The following AGBL4 variants were observed in gnomAD, a reference collection of about 807,000 sequenced individuals.
The protein encoded by AGBL4 is AGBL carboxypeptidase 4.
Under a neutral mutation model 66.4 loss-of-function variants are expected in AGBL4, and 58 were observed. The observed-to-expected ratio is 0.87, with a 90% CI of 0.71 to 1.09. AGBL4 has a LOEUF of 1.09. AGBL4 is among the 50% of genes least tolerant of loss of function. The pLI is 0.00. For synonymous variants in AGBL4, 234 were observed against 222.9 expected (o/e 1.05, Z -0.44); for missense variants, 579 against 631.0 (o/e 0.92, Z 0.88).
At chr1:48,821,769 G>A (rs10888624) in intron 6 of AGBL4, among the ~76,000 whole-genome samples, 10,589 of 152,054 alleles carry the variant, frequency 0.07, 504 homozygotes, top group East Asian at 0.17. Context: ...GAGATATTAA[G>A]AAAGTGAAAA....
chr1:49,686,031 G>C, intron 3 of AGBL4, among the ~76,000 whole-genome samples: 1 of 152,046 alleles, frequency 6.6e-6, no homozygotes, highest in Non-Finnish European at 1.5e-5. Context: ...ATAGTCTTAG[G>C]TTGTATATTT....
chr1:49,628,780 T>C (rs556295103), intron 3 of AGBL4, among the ~76,000 whole-genome samples: 2 of 152,286 alleles, frequency 1.3e-5, no homozygotes, highest in Admixed American at 6.5e-5. Flanking sequence ...TAAATATGCA[T>C]ACTGTTTTCT....
chr1:49,839,395 T>C (rs1489322548), intron 2 of AGBL4, among the ~76,000 whole-genome samples: 2 of 152,188 alleles, frequency 1.3e-5, no homozygotes, highest in Non-Finnish European at 2.9e-5. Flanking sequence ...TTAATAACCA[T>C]GCTTTTTTCC....
chr1:49,163,741 A>C (rs1044673790), intron 4 of AGBL4, among the ~76,000 whole-genome samples: 2 of 152,208 alleles, frequency 1.3e-5, no homozygotes, highest in South Asian at 2.1e-4. Flanking sequence ...ATACAGCTTA[A>C]AAGGAGGCTA....
At chr1:49,980,937 T>G (rs892028475) in intron 1 of AGBL4, among the ~76,000 whole-genome samples, 1 of 152,202 alleles carries the variant, frequency 6.6e-6, no homozygotes, top group Non-Finnish European at 1.5e-5. Flanking sequence ...TAGTACCAAT[T>G]TATATTGTTT....
At chr1:49,245,682 T>G in intron 4 of AGBL4, 88 bp downstream of exon 4, 1 of 854,032 alleles carries the variant, frequency 1.2e-6, no homozygotes, top group South Asian at 1.9e-5. Context: ...TTAATTTTTT[T>G]TGGGGGTCCA....
chr1:49,894,372 C>T (rs1648962972), intron 1 of AGBL4, among the ~76,000 whole-genome samples: 1 of 152,058 alleles, frequency 6.6e-6, no homozygotes, highest in Admixed American at 6.6e-5. Context: ...ACCAAATGAA[C>T]TAAATAAGGC....
At chr1:48,565,117 A>T (rs1284838838) in intron 11 of AGBL4, among the ~76,000 whole-genome samples, 3 of 152,190 alleles carry the variant, frequency 2.0e-5, no homozygotes, top group Non-Finnish European at 2.9e-5. Context: ...AGACGTTATT[A>T]ATCAGTATCT....
chr1:49,708,779 TG>T (rs1647402018), intron 2 of AGBL4, among the ~76,000 whole-genome samples: 1 of 152,192 alleles, frequency 6.6e-6, no homozygotes, highest in Admixed American at 6.5e-5. Context: ...TATTGCTCTC[TG>T]TTTGTAGTTT....
chr1:49,003,602 G>A (rs1661557276), intron 5 of AGBL4, among the ~76,000 whole-genome samples: 1 of 152,018 alleles, frequency 6.6e-6, no homozygotes, highest in South Asian at 2.1e-4. Context: ...CTCCCTCTCT[G>A]AACTCCCACA....
At chr1:49,303,435 T>C (rs1210573247) in intron 3 of AGBL4, among the ~76,000 whole-genome samples, 1 of 118,244 alleles carries the variant, frequency 8.5e-6, no homozygotes, top group Non-Finnish European at 1.7e-5. Context: ...TCATGTTTGC[T>C]GGCTGCATAA....
At chr1:49,840,649 C>G (rs1410678983) in intron 2 of AGBL4, among the ~76,000 whole-genome samples, 2 of 152,086 alleles carry the variant, frequency 1.3e-5, no homozygotes, top group Non-Finnish European at 2.9e-5. Flanking sequence ...AATCCAACAG[C>G]CCATCAAAAA....
chr1:49,846,052 G>A (rs1411543693), intron 2 of AGBL4: 1 of 1,590,734 alleles, frequency 6.3e-7, no homozygotes, highest in East Asian at 2.2e-5. Context: ...CCCTCATTCA[G>A]CATCAGAGGA....
intron 9 of AGBL4, among the ~76,000 whole-genome samples, chr1:48,619,646 C>G (rs1645376991): frequency 6.6e-6 from 1 of 152,142 alleles, no homozygotes; most frequent in Non-Finnish European, 1.5e-5. Flanking sequence ...AAGGTTATAG[C>G]CTGGAGCTAA....
At chr1:49,017,804 C>A (rs1228017841) in intron 5 of AGBL4, among the ~76,000 whole-genome samples, 2 of 152,124 alleles carry the variant, frequency 1.3e-5, no homozygotes, top group African/African-American at 4.8e-5. Context: ...AGAGAGGGGG[C>A]AGGAGCAGTA....
At chr1:49,688,433 G>C (rs931857669) in intron 3 of AGBL4, among the ~76,000 whole-genome samples, 1 of 152,134 alleles carries the variant, frequency 6.6e-6, no homozygotes, top group Admixed American at 6.5e-5. Flanking sequence ...TGGCTGAATA[G>C]TACTCCATTG....
chr1:48,942,361 T>G (rs1007676008), intron 5 of AGBL4, among the ~76,000 whole-genome samples: 93 of 152,006 alleles, frequency 6.1e-4, no homozygotes, highest in African/African-American at 2.2e-3. Context: ...CAGACTGGTC[T>G]GGATTTGAGT....
intron 2 of AGBL4, among the ~76,000 whole-genome samples, chr1:49,745,502 T>C (rs1418712196): frequency 1.3e-5 from 2 of 151,984 alleles, no homozygotes; most frequent in African/African-American, 4.8e-5. Flanking sequence ...GTGTTCAGAA[T>C]TATCCAAGGT....
At chr1:50,005,245 A>C (rs1661041637) in intron 1 of AGBL4, among the ~76,000 whole-genome samples, 1 of 152,174 alleles carries the variant, frequency 6.6e-6, no homozygotes, top group Admixed American at 6.5e-5. Context: ...TGGTGGCCAC[A>C]GGAGTTCTTC....
Sources: gnomAD v4.1 joint callset for allele counts (sites outside exome capture counted in the v4.1 genomes callset) on GRCh38, gnomAD v4.1.1 for gene constraint, MANE v1.5 for transcripts, NCBI Gene and HGNC (gene_info 2026-07-23, HGNC 2026-07-21) for gene names.